CDH12: variants seen among roughly 807,000 people sequenced by gnomAD.
CDH12 encodes the protein cadherin 12, also known as cadherin-12.
In CDH12, 41 loss-of-function variants were observed where a neutral mutation model predicts 74.1. The ratio of observed to expected loss-of-function variants is 0.55; its 90% CI spans 0.43 to 0.72. The LOEUF (loss-of-function observed/expected upper bound fraction) is 0.72. Among genes scored for constraint, CDH12 ranks in the 30% least tolerant of loss-of-function variants. The probability of loss-of-function intolerance (pLI) is 0.00; values close to 1 mark genes in which losing one functional copy is unlikely to be tolerated. For synonymous variants in CDH12, 399 were observed against 355.0 expected (o/e 1.12, Z -1.39); for missense variants, 945 against 977.2 (o/e 0.97, Z 0.44).
chr5:22,658,360 T>C (rs187436362), intron 1 of CDH12, among the ~76,000 whole-genome samples: 127 of 152,276 alleles, frequency 8.3e-4, no homozygotes, highest in African/African-American at 3.0e-3. Flanking sequence ...AACTTATCTG[T>C]ATATTCATTC....
chr5:22,380,999 T>C (rs904971500), intron 3 of CDH12, among the ~76,000 whole-genome samples: 2 of 152,084 alleles, frequency 1.3e-5, no homozygotes, highest in Admixed American at 1.3e-4. Flanking sequence ...TGCTGGAGGA[T>C]ATGACACTGA....
At chr5:21,802,026 G>T in intron 10 of CDH12, 141 bp downstream of exon 10, 1 of 727,072 alleles carries the variant, frequency 1.4e-6, no homozygotes, top group Non-Finnish European at 2.2e-6. Flanking sequence ...CTATTCTTAT[G>T]TAAAGTCATT....
At chr5:21,841,515 C>T in intron 8 of CDH12, among the ~76,000 whole-genome samples, 1 of 148,756 alleles carries the variant, frequency 6.7e-6, no homozygotes. Flanking sequence ...TGGGTATATA[C>T]CCAAAGGACT....
chr5:21,996,734 T>A lies in CDH12; in HGVS notation c.232-21349A>T, dbSNP rs184731769. On this transcript the variant is annotated intron_variant, in intron 5 of 14. Transcript: ENST00000382254. ...AAATAAAACAAGTTTTGTTTTCTGATGGTTTCAGATAAAATACATTACATT... is the reference window on the plus strand; with the variant it reads ...AAATAAAACAAGTTTTGTTTTCTGAAGGTTTCAGATAAAATACATTACATT... Among the ~76,000 whole-genome samples, 1,091 of 152,280 alleles carry A rather than the reference T, an allele frequency of 7.2e-3. 8 individuals carry two copies. The highest frequency in any genetic ancestry group is 0.025 in the African/African-American group (1,020 of 41,556).
intron 3 of CDH12, among the ~76,000 whole-genome samples, chr5:22,236,723 G>T (rs942165968): frequency 6.6e-6 from 1 of 152,138 alleles, no homozygotes; most frequent in Non-Finnish European, 1.5e-5. Context: ...GCCACTCTGG[G>T]CTATGGAGTG....
chr5:22,726,676 G>A (rs1416719883), intron 1 of CDH12, among the ~76,000 whole-genome samples: 3 of 151,692 alleles, frequency 2.0e-5, no homozygotes, highest in Non-Finnish European at 4.4e-5. Flanking sequence ...AGTGTCACAT[G>A]ATGTTTTTAC....
chr5:22,247,593 TG>T (rs1326513342), intron 3 of CDH12, among the ~76,000 whole-genome samples: 1 of 152,000 alleles, frequency 6.6e-6, no homozygotes, highest in East Asian at 1.9e-4. Context: ...GAGAATCGCT[TG>T]AACCTGGGAG....
At chr5:21,771,766 A>G (rs1392577775) in intron 11 of CDH12, among the ~76,000 whole-genome samples, 1 of 152,192 alleles carries the variant, frequency 6.6e-6, no homozygotes, top group Non-Finnish European at 1.5e-5. Flanking sequence ...GATGTACAGA[A>G]TGTAAATTTT....
chr5:22,842,614 G>A (rs893874399), intron 1 of CDH12, among the ~76,000 whole-genome samples: 1 of 152,136 alleles, frequency 6.6e-6, no homozygotes, highest in Non-Finnish European at 1.5e-5. Flanking sequence ...TATCATTAAT[G>A]TGGCAAGTTA....
intron 2 of CDH12, among the ~76,000 whole-genome samples, chr5:22,502,215 G>A (rs1436054266): frequency 6.6e-6 from 1 of 152,050 alleles, no homozygotes; most frequent in East Asian, 1.9e-4. Context: ...CATGGGGTGG[G>A]TCTTTCCCAT....
At chr5:22,666,024 C>A (rs1740595509) in intron 1 of CDH12, among the ~76,000 whole-genome samples, 1 of 152,160 alleles carries the variant, frequency 6.6e-6, no homozygotes. Flanking sequence ...TTGCATACTT[C>A]ACATTCCTAC....
rs11323330 is a variant in CDH12, at chr5:22,046,430, C to CTTTTTTTT, written c.231+32008_231+32015dup. Among the ~76,000 whole-genome samples, 979 of 100,326 alleles carry CTTTTTTTT rather than the reference C, an allele frequency of 9.8e-3. 96 individuals are homozygous for CTTTTTTTT. Among genetic ancestry groups the CTTTTTTTT allele is most frequent in the African/African-American group, 0.038 (898 of 23,370 alleles). The allele number at this position is 100,326 out of a possible 152,430, so 65.8% of individuals were successfully genotyped here. A position where few individuals can be genotyped will look rare whatever the true frequency, so the allele number is the denominator to read the frequency against. ...GAGAAAGTCACTGGTCATTTAATTTCTTTTTTTTTTTTTTTTTTTTTTGAG... is the reference window on the plus strand; with the variant it reads ...GAGAAAGTCACTGGTCATTTAATTTCTTTTTTTTTTTTTTTTTTTTTTTTTTTTTTGAG... On this transcript the variant is annotated intron_variant, in intron 5 of 14. Coordinates refer to ENST00000382254, the MANE Select transcript of CDH12 (RefSeq NM_004061.5).
At chr5:22,627,563 C>T (rs565432540) in intron 1 of CDH12, among the ~76,000 whole-genome samples, 1 of 152,104 alleles carries the variant, frequency 6.6e-6, no homozygotes, top group South Asian at 2.1e-4. Flanking sequence ...TTCCTTGCCA[C>T]TTTACAAGAG....
In CDH12 at chr5:21,783,467, C is replaced by T; in HGVS notation, c.1284G>A (p.Gly428=). 1 of 1,605,782 alleles carries T rather than the reference C, an allele frequency of 6.2e-7. No homozygotes were observed. The highest frequency in any genetic ancestry group is 8.5e-7 in the Non-Finnish European group (1 of 1,172,682). Residue 428 remains glycine (G), a synonymous_variant, in exon 11 of 15, where the codon GGG becomes GGA. Coordinates refer to ENST00000382254, the MANE Select transcript of CDH12 (RefSeq NM_004061.5). ...TTCCATCTATTGTAAAGTAGCTGTC[C>T]CCATCACTCTTCCAATCTATGAAGT... ...VRYFIDWKSD[G]DSYFTIDGNE... is the part of the protein sequence containing the mutation.
At chr5:22,336,276 T>A (rs2150449912) in intron 3 of CDH12, among the ~76,000 whole-genome samples, 1 of 152,134 alleles carries the variant, frequency 6.6e-6, no homozygotes, top group African/African-American at 2.4e-5. Flanking sequence ...GTTCAGAAAA[T>A]TTTCAGCCAG....
chr5:22,458,127 G>C (rs970489781), intron 2 of CDH12, among the ~76,000 whole-genome samples: 3 of 151,974 alleles, frequency 2.0e-5, no homozygotes, highest in Non-Finnish European at 4.4e-5. Context: ...TCATCCACCC[G>C]CCTTGCCCTC....
intron 1 of CDH12, among the ~76,000 whole-genome samples, chr5:22,660,795 C>T (rs1455406109): frequency 2.0e-5 from 3 of 152,126 alleles, no homozygotes; most frequent in Non-Finnish European, 4.4e-5. Context: ...ATATTTCCAT[C>T]TAGATATTTT....
intron 4 of CDH12, among the ~76,000 whole-genome samples, chr5:22,165,477 C>CACACAT (rs1335079502): frequency 9.8e-4 from 131 of 133,614 alleles, no homozygotes; most frequent in African/African-American, 2.4e-3. Flanking sequence ...AGCCTCCCAA[C>CACACAT]ACACATACAC....
At chr5:22,117,481 T>TATATATAATATATATATTAC (rs1745212306) in intron 4 of CDH12, among the ~76,000 whole-genome samples, 1 of 45,340 alleles carries the variant, frequency 2.2e-5, no homozygotes, top group African/African-American at 8.9e-5. Context: ...ATATATATTA[T>TATATATAATATATATATTAC]ATATATATTA....
Sources: allele counts gnomAD v4.1 joint callset (sites outside exome capture counted in the v4.1 genomes callset), GRCh38; gene constraint gnomAD v4.1.1; transcripts MANE v1.5; gene names NCBI Gene and HGNC (gene_info 2026-07-23, HGNC 2026-07-21).